Variants in CELF2 observed in about 807,000 individuals in gnomAD.
The protein encoded by CELF2 is CUGBP Elav-like family member 2.
Under a neutral mutation model 62.6 loss-of-function variants are expected in CELF2, and 8 were observed. The ratio of observed to expected loss-of-function variants is 0.13; its 90% confidence interval spans 0.07 to 0.23. The LOEUF (loss-of-function observed/expected upper bound fraction) is 0.23. Among genes scored for constraint, CELF2 ranks in the 10% least tolerant of loss-of-function variants. The pLI is 1.00. For synonymous variants in CELF2, 258 were observed against 250.0 expected, an observed-to-expected ratio of 1.03 and a Z score of -0.30; for missense variants, 333 against 671.0, an observed-to-expected ratio of 0.50 and a Z score of 5.56.
Position 11,043,191 on chromosome 10 carries a change from G to A in CELF2, c.74+25028G>A, listed in dbSNP as rs1008874969. On this transcript the variant is annotated intron_variant, in intron 1 of 12. Transcript: ENST00000633077. ...TTGTTGCTGCCCATCCCAGGATCAC[G>A]ATCAGTTAAGTTTGCTTTTGTAATG... is the stretch of plus-strand genomic sequence containing the variant. 3.3e-5 allele frequency among the ~76,000 whole-genome samples: 5 copies of A among 152,248 alleles called. No individual in the cohort carries two copies. In the South Asian group the frequency reaches 6.2e-4, roughly 19 times the overall value.
At position 11,052,710 on chromosome 10, in the gene CELF2, G is replaced by A. The variant is rs374578931; in HGVS notation, c.74+34547G>A. Among the ~76,000 whole-genome samples the A allele has an allele frequency of 6.4e-4, 97 of 152,258 alleles. No individual in the cohort carries two copies. In the South Asian group the frequency reaches 0.018, roughly 29 times the overall value. ...TATGATGGTATCCTTTACAACGAAA[G>A]GTCTTTTTTGTTCATTATCTTGTTT... On this transcript the variant is annotated intron_variant, in intron 1 of 12. Transcript: ENST00000633077.
the CELF2 span, among the ~76,000 whole-genome samples, chr10:10,512,215 G>C: frequency 6.6e-6 from 1 of 152,128 alleles, no homozygotes; most frequent in Non-Finnish European, 1.5e-5. Context: ...GAAGCCTAGA[G>C]TGGGAACTCA....
At chr10:10,779,468 C>T in the CELF2 span, among the ~76,000 whole-genome samples, 1 of 152,248 alleles carries the variant, frequency 6.6e-6, no homozygotes, top group East Asian at 1.9e-4. Context: ...CCTGATTCTC[C>T]ACCCTTCCTT....
chr10:11,312,888 C>A (rs61197279), intron 9 of CELF2, among the ~76,000 whole-genome samples: 2 of 152,186 alleles, frequency 1.3e-5, no homozygotes, highest in African/African-American at 2.4e-5. Flanking sequence ...GGGCCAAGAT[C>A]ATGCCACTGC....
At chr10:10,975,452 T>C (rs1171685608) in intron 2 of CELF2, among the ~76,000 whole-genome samples, 2 of 152,184 alleles carry the variant, frequency 1.3e-5, no homozygotes, top group Non-Finnish European at 2.9e-5. Flanking sequence ...GTTTAAATGA[T>C]TGATTTTCTT....
intron 1 of CELF2, among the ~76,000 whole-genome samples, chr10:10,812,942 T>C (rs1014040047): frequency 3.3e-5 from 5 of 152,236 alleles, no homozygotes; most frequent in African/African-American, 1.2e-4. Flanking sequence ...CTATGAGATA[T>C]TGAACCAGGA....
chr10:11,079,407 G>T (rs1025533677), intron 1 of CELF2, among the ~76,000 whole-genome samples: 1 of 152,174 alleles, frequency 6.6e-6, no homozygotes, highest in Non-Finnish European at 1.5e-5. Flanking sequence ...TTGGCTCTGT[G>T]TCCCCACCCA....
At chr10:10,779,050 C>A in the CELF2 span, among the ~76,000 whole-genome samples, 2 of 152,124 alleles carry the variant, frequency 1.3e-5, no homozygotes, top group East Asian at 1.9e-4. Flanking sequence ...TTGCAAAGAA[C>A]CTAACAGGTA....
chr10:10,793,747 T>C (rs1301403218), upstream of CELF2, among the ~76,000 whole-genome samples: 6 of 152,308 alleles, frequency 3.9e-5, no homozygotes, highest in South Asian at 2.1e-4. Context: ...GTTTGGCTTT[T>C]AACAACTAAA....
rs116341270 is a variant in CELF2, at chr10:11,247,425, C to T, written c.355-1728C>T. 2.4e-3 allele frequency among the ~76,000 whole-genome samples: 363 copies of T among 152,350 alleles called. 1 individual carries two copies. Among genetic ancestry groups the T allele is most frequent in the African/African-American group, 8.3e-3 (345 of 41,588 alleles). Reference sequence around the variant, plus strand: ...TTCAGTGCTCGCACGTCCAAGGACTCGGCCCAGATGCAGCCTTGGCTTTCC... The same window carrying T: ...TTCAGTGCTCGCACGTCCAAGGACTTGGCCCAGATGCAGCCTTGGCTTTCC... On this transcript the variant is annotated intron_variant, in intron 3 of 12. Transcript: ENST00000633077. The surrounding 1 kb of genome is among the most constrained non-coding windows in gnomAD (Gnocchi z 5.4).
intron 1 of CELF2, among the ~76,000 whole-genome samples, chr10:11,069,640 C>T (rs535383026): frequency 1.3e-5 from 2 of 152,054 alleles, no homozygotes; most frequent in African/African-American, 4.8e-5. Context: ...TATAAGTGGA[C>T]AAATGCAGGT....
intron 1 of CELF2, among the ~76,000 whole-genome samples, chr10:11,058,434 G>A (rs2065846501): frequency 1.3e-5 from 2 of 149,838 alleles, no homozygotes; most frequent in African/African-American, 4.9e-5. Context: ...AGCAAATTAG[G>A]TGAGGTACTG....
chr10:10,744,227 T>C, the CELF2 span, among the ~76,000 whole-genome samples: 61,609 of 151,958 alleles, frequency 0.41, 12,829 homozygotes, highest in South Asian at 0.57. Context: ...CACACAAATT[T>C]CTCCTCTCTG....
Position 11,011,830 on chromosome 10 carries a change from A to G in CELF2, c.53+6390A>G, listed in dbSNP as rs538550756. 5.3e-5 allele frequency among the ~76,000 whole-genome samples: 8 copies of G among 152,284 alleles called. No homozygotes were observed. In the East Asian group the frequency reaches 1.5e-3, roughly 29 times the overall value. ...AAAGTTAAATAAAAAGTCATTTGGG[A>G]TTTTCAAAAGCCTCTATCCTTGGCT... is the stretch of plus-strand genomic sequence containing the variant. On this transcript the variant is annotated intron_variant, in intron 1 of 12. Transcript: ENST00000416382. The surrounding 1 kb of genome is among the most constrained non-coding windows in gnomAD (Gnocchi z 4.6).
intron 1 of CELF2, among the ~76,000 whole-genome samples, chr10:10,914,825 T>C (rs1229771187): frequency 1.3e-5 from 2 of 152,194 alleles, no homozygotes. Flanking sequence ...ATCCTTGTTT[T>C]CATTCAATTT....
At chr10:11,000,558 AAGG>A (rs1238121521), upstream of CELF2, among the ~76,000 whole-genome samples, 9 of 152,156 alleles carry the variant, frequency 5.9e-5, no homozygotes, top group African/African-American at 2.2e-4. Flanking sequence ...GTCTTTGTGG[AAGG>A]AGTCTCCATT....
chr10:10,472,497 C>T, the CELF2 span, among the ~76,000 whole-genome samples: 8 of 151,934 alleles, frequency 5.3e-5, no homozygotes, highest in African/African-American at 1.9e-4. Flanking sequence ...ATTATTTGAA[C>T]ATACTTAAAA....
At chr10:11,236,101 C>T (rs557981340) in intron 3 of CELF2, among the ~76,000 whole-genome samples, 12 of 152,124 alleles carry the variant, frequency 7.9e-5, no homozygotes, top group Non-Finnish European at 1.5e-4. Context: ...AATTAATAAA[C>T]GTGGCTGGCA....
Position 11,324,169 on chromosome 10 carries a change from A to T in CELF2, c.1295-1667A>T, listed in dbSNP as rs371146198. Among the ~76,000 whole-genome samples, 1 of 152,252 alleles carries T rather than the reference A, an allele frequency of 6.6e-6. No individual in the cohort carries two copies. Among genetic ancestry groups the T allele is most frequent in the East Asian group, 1.9e-4 (1 of 5,196 alleles). ...TCTAGAAAGCTAGGATTACTCAGGC[A>T]TACCCAGTCATCTGTCATGTGCATT... On this transcript the variant is annotated intron_variant, in intron 11 of 12. Transcript: ENST00000633077. The surrounding 1 kb of genome is among the most constrained non-coding windows in gnomAD (Gnocchi z 4.7).
Sources: gnomAD v4.1 joint callset for allele counts (sites outside exome capture counted in the v4.1 genomes callset) on GRCh38, gnomAD v4.1.1 for gene constraint, Gnocchi (gnomAD v3.1) non-coding constraint, MANE v1.5 for transcripts, NCBI Gene and HGNC (gene_info 2026-07-23, HGNC 2026-07-21) for gene names.